NLGN1: variants seen among roughly 807,000 people sequenced by gnomAD.
NLGN1 encodes the protein neuroligin 1, also known as neuroligin-1.
NLGN1 carries 12 observed loss-of-function variants against 65.5 expected under a neutral mutation model. That is an observed-to-expected ratio of 0.18 (90% confidence interval 0.12 to 0.30). The LOEUF (loss-of-function observed/expected upper bound fraction) is 0.30, where lower values mean the gene tolerates loss of function less well. Ranked by LOEUF, NLGN1 falls within the 10% of genes least tolerant of loss-of-function variation. NLGN1 has a pLI of 1.00. For missense variants in NLGN1, 750 were observed against 1,007.1 expected, an observed-to-expected ratio of 0.74 and a Z score of 3.46; for synonymous variants, 350 against 359.5, an observed-to-expected ratio of 0.97 and a Z score of 0.30.
intron 3 of NLGN1, among the ~76,000 whole-genome samples, chr3:173,645,321 G>T (rs1758073865): frequency 6.6e-6 from 1 of 152,144 alleles, no homozygotes; most frequent in Non-Finnish European, 1.5e-5. Context: ...CTTGGCCTTT[G>T]GGGGCCCCCG....
chr3:173,775,336 G>A (rs1445190425), intron 3 of NLGN1, among the ~76,000 whole-genome samples: 1 of 151,944 alleles, frequency 6.6e-6, no homozygotes, highest in Admixed American at 6.6e-5. Flanking sequence ...GCATCTTCCT[G>A]TGTGCTCTTT....
intron 2 of NLGN1, among the ~76,000 whole-genome samples, chr3:173,584,265 G>A: frequency 6.6e-6 from 1 of 151,198 alleles, no homozygotes; most frequent in African/African-American, 2.4e-5. Flanking sequence ...AAAAAGGTGA[G>A]GAGAGGGGAT....
chr3:173,433,966 G>A (rs1283109692), intron 1 of NLGN1, among the ~76,000 whole-genome samples: 1 of 152,158 alleles, frequency 6.6e-6, no homozygotes, highest in Non-Finnish European at 1.5e-5. Context: ...ATATAGAAGA[G>A]TGAGGCCCTT....
At chr3:173,973,356 C>T (rs115172038) in intron 4 of NLGN1, among the ~76,000 whole-genome samples, 3 of 152,138 alleles carry the variant, frequency 2.0e-5, no homozygotes, top group Admixed American at 1.3e-4. Context: ...GCCCAGGAGT[C>T]CTGTTGTCTT....
chr3:174,124,598 T>TACACATATACGTATATATACGTATAC (rs200022196), intron 4 of NLGN1, among the ~76,000 whole-genome samples: 1 of 80,156 alleles, frequency 1.2e-5, no homozygotes, highest in African/African-American at 1.2e-4. Flanking sequence ...TATATACGTA[T>TACACATATACGTATATATACGTATAC]ACATATATAC....
At chr3:173,844,740 A>C (rs750252589) in intron 4 of NLGN1, among the ~76,000 whole-genome samples, 23 of 152,250 alleles carry the variant, frequency 1.5e-4, no homozygotes, top group Non-Finnish European at 2.9e-4. Context: ...CGAAGTAAGC[A>C]TAGTTCTAGA....
At chr3:174,006,580 C>T (rs972629676) in intron 4 of NLGN1, among the ~76,000 whole-genome samples, 2 of 152,098 alleles carry the variant, frequency 1.3e-5, no homozygotes, top group Non-Finnish European at 2.9e-5. Context: ...TTATTTTAGT[C>T]GCCAACCAAC....
chr3:173,763,751 A>G (rs1778354212), intron 3 of NLGN1, among the ~76,000 whole-genome samples: 1 of 152,052 alleles, frequency 6.6e-6, no homozygotes, highest in African/African-American at 2.4e-5. Context: ...TTGAAAAGGG[A>G]ACACAAAAAA....
intron 4 of NLGN1, among the ~76,000 whole-genome samples, chr3:174,043,855 T>TAA (rs1732914097): frequency 6.6e-6 from 1 of 152,172 alleles, no homozygotes; most frequent in South Asian, 2.1e-4. Flanking sequence ...TTGACACCCC[T>TAA]ATTTCCCTTA....
chr3:173,964,066 G>C (rs1036089636), intron 4 of NLGN1, among the ~76,000 whole-genome samples: 8 of 152,166 alleles, frequency 5.3e-5, no homozygotes, highest in African/African-American at 1.9e-4. Flanking sequence ...ATGTGCCAGA[G>C]ATTAAAAGAT....
intron 1 of NLGN1, among the ~76,000 whole-genome samples, chr3:173,427,774 A>G (rs538254770): frequency 6.6e-6 from 1 of 151,764 alleles, no homozygotes; most frequent in Non-Finnish European, 1.5e-5. Context: ...GATGAAAATA[A>G]TATGTATTCT....
At chr3:173,477,954 G>A (rs1446367211) in intron 2 of NLGN1, among the ~76,000 whole-genome samples, 1 of 152,158 alleles carries the variant, frequency 6.6e-6, no homozygotes, top group Non-Finnish European at 1.5e-5. Flanking sequence ...TACTGTTGGT[G>A]TGAATGTAAA....
intron 4 of NLGN1, among the ~76,000 whole-genome samples, chr3:173,844,620 G>A (rs1725399454): frequency 6.6e-6 from 1 of 152,076 alleles, no homozygotes; most frequent in South Asian, 2.1e-4. Context: ...CAATTCATCT[G>A]GTTTCATCTC....
At chr3:173,610,018 A>G (rs993338953) in intron 3 of NLGN1, among the ~76,000 whole-genome samples, 4 of 151,922 alleles carry the variant, frequency 2.6e-5, no homozygotes, top group Non-Finnish European at 5.9e-5. Flanking sequence ...TGATATTTTT[A>G]AAAAGTCACT....
intron 3 of NLGN1, among the ~76,000 whole-genome samples, chr3:173,635,522 T>C (rs901496109): frequency 1.4e-4 from 21 of 152,198 alleles, no homozygotes; most frequent in Admixed American, 1.2e-3. Context: ...GTCACAAATA[T>C]CTATACTGTC....
At chr3:174,252,355 T>C (rs1362277367) in intron 4 of NLGN1, among the ~76,000 whole-genome samples, 2 of 152,064 alleles carry the variant, frequency 1.3e-5, no homozygotes, top group Admixed American at 6.6e-5. Context: ...AAATAGTAGA[T>C]TAGTAAAGCG....
At chr3:173,884,941 G>A (rs1248789701) in intron 4 of NLGN1, among the ~76,000 whole-genome samples, 1 of 152,054 alleles carries the variant, frequency 6.6e-6, no homozygotes, top group Non-Finnish European at 1.5e-5. Flanking sequence ...CCACAGAGAG[G>A]TAAAGAAGGG....
intron 4 of NLGN1, among the ~76,000 whole-genome samples, chr3:174,123,219 T>C (rs1354952255): frequency 6.6e-6 from 1 of 152,040 alleles, no homozygotes; most frequent in Non-Finnish European, 1.5e-5. Flanking sequence ...TGCATGCAGG[T>C]TTTGGAGATG....
In NLGN1 at chr3:174,009,380, T is replaced by C. The variant is rs534970635; in HGVS notation, c.646+201548T>C. Among the ~76,000 whole-genome samples, 157 of 152,304 alleles carry C rather than the reference T, an allele frequency of 1.0e-3. 1 individual carries two copies. Among genetic ancestry groups the C allele is most frequent in the African/African-American group, 3.6e-3 (148 of 41,576 alleles). ...GTCATAGGAAGTATTAATGAAAATA[T>C]CTAACAGCAATTGAGTGTTTATTAT... is the stretch of plus-strand genomic sequence containing the variant. On this transcript the variant is annotated intron_variant, in intron 4 of 6. Transcript: ENST00000457714.
Sources: allele counts gnomAD v4.1 joint callset (sites outside exome capture counted in the v4.1 genomes callset), GRCh38; gene constraint gnomAD v4.1.1; transcripts MANE v1.5; gene names NCBI Gene and HGNC (gene_info 2026-07-23, HGNC 2026-07-21).